The following CAMK4 variants were observed in gnomAD, a reference collection of about 807,000 sequenced individuals.
CAMK4 encodes the protein calcium/calmodulin dependent protein kinase IV.
CAMK4 carries 22 observed loss-of-function variants against 44.9 expected under a neutral mutation model. The observed-to-expected ratio is 0.49, with a 90% CI of 0.35 to 0.70. The LOEUF is 0.70. CAMK4 is among the 30% of genes least tolerant of loss of function. The pLI is 0.01. For synonymous variants in CAMK4, 218 were observed against 215.4 expected, an observed-to-expected ratio of 1.01 and a Z score of -0.11; for missense variants, 498 against 586.8, an observed-to-expected ratio of 0.85 and a Z score of 1.56.
intron 1 of CAMK4, among the ~76,000 whole-genome samples, chr5:111,228,796 G>A (rs1748325473): frequency 6.6e-6 from 1 of 152,230 alleles, no homozygotes; most frequent in Non-Finnish European, 1.5e-5. Context: ...CAGACCAATT[G>A]GCAACATTGG....
At chr5:111,319,051 C>A (rs1323417122) in intron 1 of CAMK4, among the ~76,000 whole-genome samples, 1 of 152,094 alleles carries the variant, frequency 6.6e-6, no homozygotes, top group African/African-American at 2.4e-5. Flanking sequence ...TTTTAAATCT[C>A]CAAGCCAGTA....
chr5:111,358,761 T>A (rs1379406468), intron 2 of CAMK4, among the ~76,000 whole-genome samples: 1 of 151,958 alleles, frequency 6.6e-6, no homozygotes, highest in Non-Finnish European at 1.5e-5. Flanking sequence ...CAATATGTGT[T>A]GTTTGTGTCC....
At chr5:111,338,876 AT>A (rs35410437) in intron 1 of CAMK4, among the ~76,000 whole-genome samples, 6,325 of 151,450 alleles carry the variant, frequency 0.042, 467 homozygotes, top group African/African-American at 0.14. Flanking sequence ...CTTGTAGCGT[AT>A]TTTGAAGTCC....
rs1373232616 is a variant in CAMK4, at chr5:111,344,066, C to T, written c.204C>T (p.Thr68=). The part of the protein sequence containing the change: ...SIVYRCKQKG[T]QKPYALKVLK... ...TGTACAGATGCAAACAGAAGGGGACCCAGAAGCCTTATGCTCTCAAAGTGT... is the reference window on the plus strand; with the variant it reads ...TGTACAGATGCAAACAGAAGGGGACTCAGAAGCCTTATGCTCTCAAAGTGT... The change falls in exon 2 of 11, where the codon ACC becomes ACT. Residue 68 remains threonine, a synonymous_variant. Coordinates refer to ENST00000282356, the MANE Select transcript of CAMK4 (RefSeq NM_001744.6). The T allele has an allele frequency of 6.2e-7, 1 of 1,607,612 alleles. No homozygotes were observed. Among genetic ancestry groups the T allele is most frequent in the Non-Finnish European group, 8.5e-7 (1 of 1,175,134 alleles).
chr5:111,329,453 T>G (rs577653657), intron 1 of CAMK4, among the ~76,000 whole-genome samples: 1 of 151,904 alleles, frequency 6.6e-6, no homozygotes, highest in Non-Finnish European at 1.5e-5. Context: ...TGTTTACAGA[T>G]GACAAAATCT....
chr5:111,296,544 A>G (rs947928222), intron 1 of CAMK4, among the ~76,000 whole-genome samples: 1 of 152,198 alleles, frequency 6.6e-6, no homozygotes, highest in Non-Finnish European at 1.5e-5. Flanking sequence ...GCATTCTATG[A>G]TTGTTTTATC....
intron 4 of CAMK4, among the ~76,000 whole-genome samples, chr5:111,377,603 T>C (rs1242161596): frequency 1.3e-5 from 2 of 152,122 alleles, no homozygotes; most frequent in Non-Finnish European, 2.9e-5. Context: ...TTTATGTTTC[T>C]ATAGTTGTTC....
intron 1 of CAMK4, among the ~76,000 whole-genome samples, chr5:111,239,818 A>G (rs1321426028): frequency 6.6e-6 from 1 of 152,252 alleles, no homozygotes; most frequent in African/African-American, 2.4e-5. Context: ...CAAAAATGTC[A>G]TAAGATTCTA....
At chr5:111,291,880 T>C (rs1043773264) in intron 1 of CAMK4, among the ~76,000 whole-genome samples, 6 of 152,216 alleles carry the variant, frequency 3.9e-5, no homozygotes, top group South Asian at 4.1e-4. Context: ...TTTGAAATTA[T>C]ACTTTTCACT....
chr5:111,424,116 G>A (rs1360738007), intron 5 of CAMK4, among the ~76,000 whole-genome samples: 1 of 152,118 alleles, frequency 6.6e-6, no homozygotes, highest in Non-Finnish European at 1.5e-5. Context: ...ACTATATTGG[G>A]CCAAAATCTA....
chr5:111,247,719 A>T (rs1188280065), intron 1 of CAMK4, among the ~76,000 whole-genome samples: 1 of 152,208 alleles, frequency 6.6e-6, no homozygotes, highest in Non-Finnish European at 1.5e-5. Flanking sequence ...AGGCCACCCC[A>T]GATAATGGAG....
At chr5:111,460,082 C>A (rs1171448630) in intron 7 of CAMK4, among the ~76,000 whole-genome samples, 1 of 151,834 alleles carries the variant, frequency 6.6e-6, no homozygotes, top group Admixed American at 6.6e-5. Flanking sequence ...AGAAGATTTG[C>A]TTAAAATGTC....
At chr5:111,255,551 A>C (rs1749702871) in intron 1 of CAMK4, among the ~76,000 whole-genome samples, 1 of 152,188 alleles carries the variant, frequency 6.6e-6, no homozygotes, top group African/African-American at 2.4e-5. Flanking sequence ...AGCTTTAAAA[A>C]AGCCATGATC....
Position 111,235,396 on chromosome 5 carries a change from A to G in CAMK4, c.161+10752A>G, listed in dbSNP as rs191524702. On this transcript the variant is annotated intron_variant, in intron 1 of 10. Transcript: ENST00000282356. Reference sequence around the variant, plus strand: ...GTAATTCAATAAATCAGCCTGGCCTAGAGTGTTCAGTTCTAATAGGCCTCT... The same window carrying G: ...GTAATTCAATAAATCAGCCTGGCCTGGAGTGTTCAGTTCTAATAGGCCTCT... 2.0e-5 allele frequency among the ~76,000 whole-genome samples: 3 copies of G among 152,258 alleles called. No homozygotes were observed. The East Asian group carries it at 5.8e-4, about 29-fold the overall frequency.
At chr5:111,321,926 G>A (rs1229103936) in intron 1 of CAMK4, among the ~76,000 whole-genome samples, 2 of 151,956 alleles carry the variant, frequency 1.3e-5, no homozygotes, top group African/African-American at 4.8e-5. Context: ...AATGCATAAA[G>A]AATAAACATA....
rs972095394 is a variant in CAMK4 at position 111,443,348 on chromosome 5, C to G, written c.460-3338C>G. Among the ~76,000 whole-genome samples the G allele has an allele frequency of 8.6e-4, 105 of 121,880 alleles. 1 individual carries two copies. Among genetic ancestry groups the G allele is most frequent in the South Asian group, 1.8e-3 (7 of 3,820 alleles). 80.0% of individuals were successfully genotyped at this position (121,880 alleles called of 152,430 possible). A position where few individuals can be genotyped will look rare whatever the true frequency, so the allele number is the denominator to read the frequency against. On this transcript the variant is annotated intron_variant, in intron 5 of 10. Coordinates refer to ENST00000282356, the MANE Select transcript of CAMK4 (RefSeq NM_001744.6). ...ATATACTATATATACTATATATATA[C>G]TATATATATAGTATATATATATGAA...
At chr5:111,376,826 T>C (rs771036778) in intron 3 of CAMK4, 34 bp from the exon 4 acceptor site, 1 of 1,279,002 alleles carries the variant, frequency 7.8e-7, no homozygotes, top group Admixed American at 1.8e-5. Flanking sequence ...GAATAAGAAA[T>C]TTGTGATATT....
At chr5:111,467,443 T>G (rs1754881100) in intron 7 of CAMK4, among the ~76,000 whole-genome samples, 1 of 123,926 alleles carries the variant, frequency 8.1e-6, no homozygotes, top group Admixed American at 8.3e-5. Context: ...ATCTTCACAA[T>G]CTATACATCT....
At chr5:111,338,760 C>T (rs539796773) in intron 1 of CAMK4, among the ~76,000 whole-genome samples, 5 of 151,270 alleles carry the variant, frequency 3.3e-5, no homozygotes, top group South Asian at 2.1e-4. Flanking sequence ...GTTGAAGATC[C>T]GATGGCTGTA....
Sources: gnomAD v4.1 joint callset for allele counts (sites outside exome capture counted in the v4.1 genomes callset) on GRCh38, gnomAD v4.1.1 for gene constraint, MANE v1.5 for transcripts, NCBI Gene and HGNC (gene_info 2026-07-23, HGNC 2026-07-21) for gene names.